Variants in LRP1B observed in about 807,000 individuals in gnomAD.
LRP1B encodes the protein LDL receptor related protein 1B.
In LRP1B, 217 loss-of-function variants were observed where a neutral mutation model predicts 556.6. The observed-to-expected ratio is 0.39, with a 90% CI of 0.35 to 0.44. LRP1B has a LOEUF of 0.44. Ranked by LOEUF, LRP1B falls within the 20% of genes least tolerant of loss-of-function variation. LRP1B has a pLI of 1.00. For synonymous variants in LRP1B, 2,047 were observed against 1,865.8 expected, an observed-to-expected ratio of 1.10 and a Z score of -2.50; for missense variants, 5,053 against 5,620.8, an observed-to-expected ratio of 0.90 and a Z score of 3.23.
chr2:141,443,772 T>A (rs1002181629), intron 3 of LRP1B, among the ~76,000 whole-genome samples: 3 of 152,198 alleles, frequency 2.0e-5, no homozygotes, highest in Non-Finnish European at 4.4e-5. Context: ...GCCACTGCTG[T>A]GTTCCATTGG....
chr2:140,502,139 T>C (rs961936103), intron 54 of LRP1B, among the ~76,000 whole-genome samples: 5 of 152,140 alleles, frequency 3.3e-5, no homozygotes, highest in Non-Finnish European at 7.4e-5. Context: ...ATAGTAAAAT[T>C]AATGAACTAT....
intron 7 of LRP1B, among the ~76,000 whole-genome samples, chr2:141,105,337 AT>A (rs143635013): frequency 0.062 from 9,241 of 150,222 alleles, 380 homozygotes; most frequent in South Asian, 0.11. Flanking sequence ...CTTCAATGTA[AT>A]TTTTTTTTTA....
chr2:141,827,061 T>A (rs1696955770), intron 1 of LRP1B, among the ~76,000 whole-genome samples: 1 of 152,228 alleles, frequency 6.6e-6, no homozygotes, highest in Non-Finnish European at 1.5e-5. Context: ...TCCTTGTGCC[T>A]GTCATATAAA....
chr2:140,999,482 T>C (rs1309251153), intron 15 of LRP1B, among the ~76,000 whole-genome samples: 2 of 152,138 alleles, frequency 1.3e-5, no homozygotes, highest in South Asian at 2.1e-4. Flanking sequence ...ACCACCATGA[T>C]AACAGATTTT....
At chr2:140,527,603 T>A (rs1690491632) in intron 47 of LRP1B, among the ~76,000 whole-genome samples, 1 of 151,930 alleles carries the variant, frequency 6.6e-6, no homozygotes, top group Non-Finnish European at 1.5e-5. Flanking sequence ...CACTTTTTTA[T>A]TAAAAATGAT....
At chr2:141,356,317 G>A (rs1042901290) in intron 3 of LRP1B, among the ~76,000 whole-genome samples, 1 of 152,120 alleles carries the variant, frequency 6.6e-6, no homozygotes, top group Non-Finnish European at 1.5e-5. Flanking sequence ...CTGATAGTTT[G>A]TATTCTGCTA....
At chr2:140,956,805 T>C (rs1424545927) in intron 18 of LRP1B, among the ~76,000 whole-genome samples, 1 of 151,780 alleles carries the variant, frequency 6.6e-6, no homozygotes, top group African/African-American at 2.4e-5. Flanking sequence ...CCTGACTGTA[T>C]TGCCAATTAA....
intron 7 of LRP1B, among the ~76,000 whole-genome samples, chr2:141,172,462 T>A (rs1046295867): frequency 1.3e-4 from 20 of 152,244 alleles, no homozygotes; most frequent in African/African-American, 4.8e-4. Context: ...ACCGTGATCC[T>A]TTATATTTAC....
At chr2:141,249,049 C>T (rs575230992) in intron 4 of LRP1B, among the ~76,000 whole-genome samples, 3 of 151,990 alleles carry the variant, frequency 2.0e-5, no homozygotes, top group South Asian at 4.2e-4. Flanking sequence ...GAGGAGATAA[C>T]GAATTTGATT....
At chr2:140,259,448 T>C (rs1254535966) in intron 86 of LRP1B, among the ~76,000 whole-genome samples, 1 of 152,048 alleles carries the variant, frequency 6.6e-6, no homozygotes, top group Non-Finnish European at 1.5e-5. Context: ...GAAAGTATCA[T>C]AGAGATGAGA....
chr2:141,956,242 T>A (rs1490118323), intron 1 of LRP1B, among the ~76,000 whole-genome samples: 1 of 152,126 alleles, frequency 6.6e-6, no homozygotes, highest in African/African-American at 2.4e-5. Flanking sequence ...CCGACAGCTT[T>A]ATATTCTCTC....
intron 23 of LRP1B, among the ~76,000 whole-genome samples, chr2:140,895,027 A>G (rs971844102): frequency 1.3e-5 from 2 of 152,060 alleles, no homozygotes; most frequent in African/African-American, 2.4e-5. Context: ...TTCAGAGTGG[A>G]AAGGAGTTGT....
intron 1 of LRP1B, among the ~76,000 whole-genome samples, chr2:142,060,706 G>T (rs776055597): frequency 5.9e-5 from 9 of 151,960 alleles, no homozygotes; most frequent in Non-Finnish European, 1.3e-4. Flanking sequence ...TGTTTTAAGA[G>T]AATACATATG....
Position 140,378,240 on chromosome 2 carries a change from G to A in LRP1B, c.10578C>T (p.Asp3526=), listed in dbSNP as rs2105183016. ...CACACCAAAACCTTGAAGAAACACA[G>A]TCCCCATTGGCACAGAGGAAATCTT... The part of the protein sequence containing the change: ...TLKDFLCANG[D]CVSSRFWCDG... The change falls in exon 68 of 91, where the codon GAC becomes GAT. Residue 3526 remains aspartate, a synonymous_variant. Coordinates refer to ENST00000389484, the MANE Select transcript of LRP1B (RefSeq NM_018557.3). 1 of 1,613,692 alleles carries A rather than the reference G, an allele frequency of 6.2e-7. No homozygotes were observed. Among genetic ancestry groups the A allele is most frequent in the East Asian group, 2.2e-5 (1 of 44,844 alleles).
At chr2:141,325,650 T>A (rs1687405049) in intron 3 of LRP1B, among the ~76,000 whole-genome samples, 5 of 152,042 alleles carry the variant, frequency 3.3e-5, no homozygotes, top group Admixed American at 3.3e-4. Flanking sequence ...AGTTTTCTAA[T>A]CAAAGGGAGA....
chr2:141,261,337 T>G (rs1477591811), intron 3 of LRP1B, among the ~76,000 whole-genome samples: 2 of 152,212 alleles, frequency 1.3e-5, no homozygotes, highest in Admixed American at 6.5e-5. Flanking sequence ...TTATTGCATT[T>G]TTTTCTATTT....
chr2:141,435,864 G>C (rs1287228487), intron 3 of LRP1B, among the ~76,000 whole-genome samples: 1 of 152,154 alleles, frequency 6.6e-6, no homozygotes, highest in East Asian at 1.9e-4. Flanking sequence ...TAGAACTTCT[G>C]CAACATGGGC....
At chr2:140,251,683 C>A (rs925286969) in intron 86 of LRP1B, among the ~76,000 whole-genome samples, 1 of 151,652 alleles carries the variant, frequency 6.6e-6, no homozygotes, top group African/African-American at 2.4e-5. Context: ...CCCTTTCTTT[C>A]TCTACACAGG....
At chr2:140,944,141 C>A (rs1471002974) in intron 20 of LRP1B, among the ~76,000 whole-genome samples, 4 of 152,038 alleles carry the variant, frequency 2.6e-5, no homozygotes, top group African/African-American at 9.7e-5. Context: ...ATTATGAACA[C>A]CTCTGTGTGT....
Sources: allele counts gnomAD v4.1 joint callset (sites outside exome capture counted in the v4.1 genomes callset), GRCh38; gene constraint gnomAD v4.1.1; transcripts MANE v1.5; gene names NCBI Gene and HGNC (gene_info 2026-07-23, HGNC 2026-07-21).